Variants in SLIT2 observed in about 807,000 individuals in gnomAD.
The protein encoded by SLIT2 is slit guidance ligand 2, also known as slit homolog 2 protein.
In SLIT2, 41 loss-of-function variants were observed where a neutral mutation model predicts 185.7. The observed-to-expected ratio is 0.22, with a 90% CI of 0.17 to 0.29. The LOEUF is 0.29. Among genes scored for constraint, SLIT2 ranks in the 10% least tolerant of loss-of-function variants. The probability of loss-of-function intolerance (pLI) is 1.00; values close to 1 mark genes in which losing one functional copy is unlikely to be tolerated. For missense variants in SLIT2, 1,571 were observed against 1,909.0 expected, an observed-to-expected ratio of 0.82 and a Z score of 3.30; for synonymous variants, 693 against 680.2, an observed-to-expected ratio of 1.02 and a Z score of -0.29.
At chr4:20,511,557 A>G (rs1314423359) in intron 11 of SLIT2, among the ~76,000 whole-genome samples, 2 of 134,842 alleles carry the variant, frequency 1.5e-5, no homozygotes, top group African/African-American at 5.6e-5. Context: ...GGTAGCTGGG[A>G]CTACAGGCGC....
chr4:20,292,090 A>C (rs1243958239), intron 4 of SLIT2, among the ~76,000 whole-genome samples: 1 of 152,184 alleles, frequency 6.6e-6, no homozygotes, highest in Admixed American at 6.5e-5. Flanking sequence ...AAGCAGATAC[A>C]CTAATTTCAA....
chr4:20,538,110 C>G (rs1001015889), intron 18 of SLIT2, among the ~76,000 whole-genome samples: 2 of 152,206 alleles, frequency 1.3e-5, no homozygotes, highest in Non-Finnish European at 2.9e-5. Context: ...CAGGTGCCCG[C>G]CACCACGCTA....
At chr4:20,548,398 T>G (rs1723442971) in intron 22 of SLIT2, 90 bp from the exon 23 acceptor site, 1 of 695,724 alleles carries the variant, frequency 1.4e-6, no homozygotes, top group Non-Finnish European at 2.6e-6. Context: ...AATACTGCTA[T>G]GACTATAAGA....
intron 36 of SLIT2, among the ~76,000 whole-genome samples, chr4:20,618,115 A>G (rs1399346368): frequency 1.3e-5 from 2 of 152,220 alleles, no homozygotes; most frequent in African/African-American, 2.4e-5. Flanking sequence ...CGACTGATTT[A>G]TCACAGCAAA....
Position 20,251,954 on chromosome 4 carries a change from G to GGGCC in SLIT2, c.-1861_-1860insGCCG, listed in dbSNP as rs1191423598. Among the ~76,000 whole-genome samples the GGGCC allele has an allele frequency of 7.2e-5, 11 of 152,232 alleles. No individual in the cohort carries two copies. Among genetic ancestry groups the GGGCC allele is most frequent in the African/African-American group, 2.6e-4 (11 of 41,560 alleles). On this transcript the variant is annotated 5_prime_UTR_variant, in exon 1 of 37. Coordinates refer to ENST00000504154, the MANE Select transcript of SLIT2 (RefSeq NM_004787.4). ...CGCCCGGACGGCGGAGCTTGGCGGCGGCGGTGGTGGTGGCTGCCGCAGACT... is the reference window on the plus strand; with the variant it reads ...CGCCCGGACGGCGGAGCTTGGCGGCGGGCCGCGGTGGTGGTGGCTGCCGCAGACT...
chr4:20,414,337 A>G (rs919627762), intron 4 of SLIT2, among the ~76,000 whole-genome samples: 1 of 152,180 alleles, frequency 6.6e-6, no homozygotes, highest in African/African-American at 2.4e-5. Flanking sequence ...TCCTAGGTCT[A>G]ACAAGGCAAC....
intron 7 of SLIT2, among the ~76,000 whole-genome samples, chr4:20,487,162 CA>C (rs1428478521): frequency 2.6e-5 from 4 of 151,934 alleles, no homozygotes; most frequent in African/African-American, 9.7e-5. Flanking sequence ...ATTTTAATGT[CA>C]TTTTTTTCTT....
chr4:20,605,055 C>G (rs912645521), intron 33 of SLIT2, among the ~76,000 whole-genome samples: 2 of 151,840 alleles, frequency 1.3e-5, no homozygotes, highest in African/African-American at 2.4e-5. Flanking sequence ...AGGCTAGACT[C>G]GAACTCCTGA....
intron 29 of SLIT2, among the ~76,000 whole-genome samples, chr4:20,574,381 A>C (rs372792852): frequency 1.1e-4 from 16 of 152,272 alleles, no homozygotes; most frequent in African/African-American, 3.9e-4. Context: ...AGCTTACCAA[A>C]AGTCTTCAAG....
In SLIT2 at chr4:20,617,556, G is replaced by T. The variant is rs776649108; in HGVS notation, c.4254G>T (p.Ala1418=). The T allele has an allele frequency of 6.2e-6, 10 of 1,613,764 alleles. No individual in the cohort carries two copies. The highest frequency in any genetic ancestry group is 1.3e-5 in the African/African-American group (1 of 74,904). ...AGGATCTGTTTAACCCATGCCAGGC[G>T]ATCAAGTGCAAGCATGGGAAGTGCA... The part of the protein sequence containing the change: ...EEEDLFNPCQ[A]IKCKHGKCRL... Residue 1418 remains alanine (A), a synonymous_variant, in exon 36 of 37, where the codon GCG becomes GCT. Coordinates refer to ENST00000504154, the MANE Select transcript of SLIT2 (RefSeq NM_004787.4).
intron 4 of SLIT2, among the ~76,000 whole-genome samples, chr4:20,280,833 G>GTTTTTTTTTTTTT (rs34477780): frequency 2.2e-4 from 29 of 130,632 alleles, no homozygotes; most frequent in African/African-American, 8.2e-4. Flanking sequence ...TTAAAAAAAT[G>GTTTTTTTTTTTTT]TTTTTTTTTT....
intron 4 of SLIT2, among the ~76,000 whole-genome samples, chr4:20,293,103 T>C (rs928742647): frequency 3.3e-5 from 5 of 152,190 alleles, no homozygotes; most frequent in Non-Finnish European, 7.3e-5. Context: ...TTAGTTGACA[T>C]GGTTAAAAGG....
At chr4:20,505,406 G>C (rs111644490) in intron 9 of SLIT2, among the ~76,000 whole-genome samples, 1 of 152,046 alleles carries the variant, frequency 6.6e-6, no homozygotes, top group Non-Finnish European at 1.5e-5. Flanking sequence ...CTTGAGGAGG[G>C]CTATTGAAGA....
chr4:20,445,622 A>T (rs553902059), intron 4 of SLIT2, among the ~76,000 whole-genome samples: 85 of 152,328 alleles, frequency 5.6e-4, no homozygotes, highest in South Asian at 5.0e-3. Flanking sequence ...TAGGAACCAG[A>T]TAAAAGCATG....
chr4:20,492,302 A>G (rs1049850250), intron 9 of SLIT2, among the ~76,000 whole-genome samples: 1 of 152,324 alleles, frequency 6.6e-6, no homozygotes, highest in African/African-American at 2.4e-5. Flanking sequence ...TCGAGAGCTC[A>G]TGTTTTAAAA....
At chr4:20,367,689 T>TGC (rs1723221057) in intron 4 of SLIT2, among the ~76,000 whole-genome samples, 1 of 152,166 alleles carries the variant, frequency 6.6e-6, no homozygotes, top group African/African-American at 2.4e-5. Flanking sequence ...CAGGAATAAC[T>TGC]CAGTTCACTG....
At chr4:20,320,120 G>T (rs2109161160) in intron 4 of SLIT2, among the ~76,000 whole-genome samples, 1 of 152,248 alleles carries the variant, frequency 6.6e-6, no homozygotes, top group African/African-American at 2.4e-5. Context: ...TCTATTATAA[G>T]TCAGGCTGAT....
In SLIT2 at chr4:20,589,670, T is replaced by C; in HGVS notation, c.3115T>C (p.Phe1039Leu). Residue 1039 changes from phenylalanine to leucine, a missense_variant, in exon 30 of 37, where the codon TTC (phenylalanine) becomes CTC (leucine). This residue lies in a region of SLIT2 where 1,202 missense variants were observed against 1,416.4 expected (regional missense o/e 0.85). Transcript: ENST00000504154. ...TGELCEEKLD[F>L]CAQDLNPCQH... ...TGAGTTGTGTGAGGAGAAGCTGGAC[T>C]TCTGTGCCCAGGACCTGAACCCCTG... 6.2e-7 allele frequency: 1 copy of C among 1,614,008 alleles called. No homozygotes were observed. The highest frequency in any genetic ancestry group is 8.5e-7 in the Non-Finnish European group (1 of 1,179,958).
chr4:20,482,609 T>C (rs974500007), intron 6 of SLIT2, among the ~76,000 whole-genome samples: 3 of 151,918 alleles, frequency 2.0e-5, no homozygotes, highest in Non-Finnish European at 4.4e-5. Context: ...CACCAAAGGG[T>C]GACATTTTAT....
Sources: gnomAD v4.1 joint callset for allele counts (sites outside exome capture counted in the v4.1 genomes callset) on GRCh38, gnomAD v4.1.1 for gene constraint, gnomAD v4.1.1 regional missense constraint, MANE v1.5 for transcripts, NCBI Gene and HGNC (gene_info 2026-07-23, HGNC 2026-07-21) for gene names.